Variants in FAM227B observed in about 807,000 individuals in gnomAD.
FAM227B encodes the protein family with sequence similarity 227 member B, also known as protein FAM227B.
Under a neutral mutation model 73.8 loss-of-function variants are expected in FAM227B, and 88 were observed. The observed-to-expected ratio is 1.19, with a 90% CI of 1.00 to 1.42. The LOEUF is 1.42. Ranked by LOEUF, FAM227B falls within the 40% of genes most tolerant of loss-of-function variation. The probability of loss-of-function intolerance (pLI) is 0.00; values close to 1 mark genes in which losing one functional copy is unlikely to be tolerated. For synonymous variants in FAM227B, 210 were observed against 190.5 expected, an observed-to-expected ratio of 1.10 and a Z score of -0.84; for missense variants, 632 against 590.9, an observed-to-expected ratio of 1.07 and a Z score of -0.72.
intron 11 of FAM227B, among the ~76,000 whole-genome samples, chr15:49,420,430 G>C (rs1006429953): frequency 6.6e-6 from 1 of 151,880 alleles, no homozygotes; most frequent in African/African-American, 2.4e-5. Flanking sequence ...TGCATATGAC[G>C]TGCTACCTTT....
intron 3 of FAM227B, among the ~76,000 whole-genome samples, chr15:49,591,713 C>G (rs553175581): frequency 6.6e-6 from 1 of 151,978 alleles, no homozygotes; most frequent in African/African-American, 2.4e-5. Context: ...TCTTGAACTC[C>G]TGACCTTGTG....
At chr15:49,509,193 T>C (rs1386579988) in intron 10 of FAM227B, among the ~76,000 whole-genome samples, 1 of 152,096 alleles carries the variant, frequency 6.6e-6, no homozygotes, top group Non-Finnish European at 1.5e-5. Context: ...AACAGCCAAA[T>C]AAAGGAAATG....
At chr15:49,546,539 C>A (rs1401535462) in intron 9 of FAM227B, among the ~76,000 whole-genome samples, 3 of 152,206 alleles carry the variant, frequency 2.0e-5, no homozygotes, top group Admixed American at 6.5e-5. Flanking sequence ...ACCACACTGA[C>A]TTCCACAATG....
intron 3 of FAM227B, among the ~76,000 whole-genome samples, chr15:49,598,024 A>G (rs2076980942): frequency 6.6e-6 from 1 of 151,962 alleles, no homozygotes; most frequent in African/African-American, 2.4e-5. Flanking sequence ...GTGGATTCAC[A>G]GCTGAATTAT....
chr15:49,444,599 T>C (rs184622135), intron 11 of FAM227B, among the ~76,000 whole-genome samples: 11 of 151,786 alleles, frequency 7.2e-5, no homozygotes, highest in Non-Finnish European at 1.2e-4. Context: ...CTGAAATAAC[T>C]TGGTATCTAA....
At chr15:49,563,438 T>C (rs1490600899) in intron 9 of FAM227B, among the ~76,000 whole-genome samples, 1 of 152,152 alleles carries the variant, frequency 6.6e-6, no homozygotes, top group Non-Finnish European at 1.5e-5. Context: ...ACAAATTTAA[T>C]GCTATTCCTA....
At chr15:49,396,252 T>C (rs1460297917) in intron 11 of FAM227B, 1 of 381,922 alleles carries the variant, frequency 2.6e-6, no homozygotes, top group Non-Finnish European at 5.1e-6. Context: ...ACCTGGAAAA[T>C]CGTGTCACTC....
chr15:49,447,365 G>C (rs147257127), intron 11 of FAM227B, among the ~76,000 whole-genome samples: 1 of 151,616 alleles, frequency 6.6e-6, no homozygotes, highest in East Asian at 2.0e-4. Context: ...GTGAGGTTAA[G>C]AAGAAGTAAG....
rs1446976444 is a variant in FAM227B, at chr15:49,485,439, TTTA to T, written c.1012+22769_1012+22771del. On this transcript the variant is annotated intron_variant, in intron 11 of 15. Coordinates refer to ENST00000299338, the MANE Select transcript of FAM227B (RefSeq NM_152647.3). ...ACTCTATTTTAAGTTGTTTTTGAAC[TTTA>T]TTGTTTTGTTATTTAAGTTTATGTT... is the stretch of plus-strand genomic sequence containing the variant. 2.0e-5 allele frequency: 3 copies of T among 152,268 alleles called. No individual in the cohort carries two copies. In the Admixed American group the frequency reaches 2.0e-4, roughly 10 times the overall value. 9.4% of individuals were successfully genotyped at this position (152,268 alleles called of 1,614,324 possible).
At chr15:49,570,967 T>C (rs1406759645) in intron 8 of FAM227B, among the ~76,000 whole-genome samples, 1 of 149,520 alleles carries the variant, frequency 6.7e-6, no homozygotes, top group Non-Finnish European at 1.5e-5. Flanking sequence ...ATCTTCTTTA[T>C]CCATTCATCC....
chr15:49,487,441 A>C, intron 11 of FAM227B: 1 of 151,876 alleles, frequency 6.6e-6, no homozygotes, highest in Non-Finnish European at 1.5e-5. Flanking sequence ...AAAAAATAAA[A>C]ACCATAGTAT....
chr15:49,410,011 C>G (rs977650459), intron 11 of FAM227B, among the ~76,000 whole-genome samples: 4 of 152,084 alleles, frequency 2.6e-5, no homozygotes, highest in African/African-American at 9.7e-5. Context: ...GTTCTCATTT[C>G]TTTTCAGGCT....
At chr15:49,570,814 T>C (rs995743720) in intron 8 of FAM227B, among the ~76,000 whole-genome samples, 4 of 147,532 alleles carry the variant, frequency 2.7e-5, no homozygotes, top group Non-Finnish European at 4.5e-5. Flanking sequence ...TTAAAGGCTA[T>C]ATATTTTTAT....
At chr15:49,609,369 A>G (rs551226264) in intron 3 of FAM227B, among the ~76,000 whole-genome samples, 1 of 151,984 alleles carries the variant, frequency 6.6e-6, no homozygotes, top group Non-Finnish European at 1.5e-5. Context: ...ATTACCAAAA[A>G]AGATAGAAAT....
At chr15:49,572,736 T>A (rs1168030566) in intron 8 of FAM227B, among the ~76,000 whole-genome samples, 2 of 152,104 alleles carry the variant, frequency 1.3e-5, no homozygotes, top group African/African-American at 4.8e-5. Context: ...GAATAGGCAT[T>A]CCTCTTCTTT....
At chr15:49,496,010 G>A (rs1447411122) in intron 11 of FAM227B, among the ~76,000 whole-genome samples, 1 of 152,038 alleles carries the variant, frequency 6.6e-6, no homozygotes, top group Admixed American at 6.5e-5. Flanking sequence ...GTGACAGAGC[G>A]AGACTCTGTC....
intron 11 of FAM227B, among the ~76,000 whole-genome samples, chr15:49,446,173 C>T (rs113339027): frequency 0.023 from 3,512 of 151,600 alleles, 84 homozygotes; most frequent in South Asian, 0.13. Context: ...GAAGGCTTCA[C>T]TCACTGATAA....
intron 3 of FAM227B, among the ~76,000 whole-genome samples, chr15:49,607,090 C>A (rs537091799): frequency 6.6e-6 from 1 of 152,256 alleles, no homozygotes; most frequent in African/African-American, 2.4e-5. Context: ...TCAGAAATTT[C>A]AAACCCACCT....
chr15:49,568,550 C>T (rs976825544), intron 8 of FAM227B, among the ~76,000 whole-genome samples: 2 of 151,920 alleles, frequency 1.3e-5, no homozygotes, highest in African/African-American at 4.8e-5. Flanking sequence ...AATTAAGTCC[C>T]GGGTTTCTCA....
Sources: allele counts gnomAD v4.1 joint callset (sites outside exome capture counted in the v4.1 genomes callset), GRCh38; gene constraint gnomAD v4.1.1; transcripts MANE v1.5; gene names NCBI Gene and HGNC (gene_info 2026-07-23, HGNC 2026-07-21).